The following FGF14 variants were observed in gnomAD, a reference collection of about 807,000 sequenced individuals.
FGF14 encodes fibroblast growth factor homologous factor 4.
A neutral mutation model predicts 25.5 loss-of-function variants in FGF14; 5 were observed. The ratio of observed to expected loss-of-function variants is 0.20; its 90% CI spans 0.10 to 0.41. FGF14 has a LOEUF of 0.41. Among genes scored for constraint, FGF14 ranks in the 10% least tolerant of loss-of-function variants. The pLI, the probability that FGF14 is intolerant of heterozygous loss-of-function variation, is 1.00. For missense variants in FGF14, 222 were observed against 320.1 expected, an observed-to-expected ratio of 0.69 and a Z score of 2.34; for synonymous variants, 138 against 118.3, an observed-to-expected ratio of 1.17 and a Z score of -1.08.
intron 3 of FGF14, among the ~76,000 whole-genome samples, chr13:101,774,404 A>G (rs2038970486): frequency 6.6e-6 from 1 of 152,174 alleles, no homozygotes; most frequent in South Asian, 2.1e-4. Flanking sequence ...CTTAAAGCCT[A>G]GAGCAGCCTT....
intron 1 of FGF14, among the ~76,000 whole-genome samples, chr13:102,141,765 AAG>A (rs2046652923): frequency 6.6e-6 from 1 of 152,198 alleles, no homozygotes; most frequent in Non-Finnish European, 1.5e-5. Context: ...GAAAGAAAAA[AAG>A]AGGCAGCTTT....
At chr13:102,145,479 C>T (rs192620480) in intron 1 of FGF14, among the ~76,000 whole-genome samples, 1 of 152,170 alleles carries the variant, frequency 6.6e-6, no homozygotes, top group East Asian at 1.9e-4. Context: ...CTAGAATTTC[C>T]CTTCCTCCAG....
At chr13:101,905,750 T>C (rs2032162006) in intron 1 of FGF14, among the ~76,000 whole-genome samples, 1 of 152,140 alleles carries the variant, frequency 6.6e-6, no homozygotes, top group Admixed American at 6.6e-5. Context: ...GTGGTTGACA[T>C]TCTAGCCTGT....
intron 3 of FGF14, among the ~76,000 whole-genome samples, chr13:101,744,001 C>T (rs1281609080): frequency 2.6e-5 from 4 of 152,048 alleles, no homozygotes; most frequent in African/African-American, 7.2e-5. Context: ...AGTTAAGGAT[C>T]CTAAGGAAAT....
At chr13:101,870,291 A>C (rs2044979926) in intron 2 of FGF14, among the ~76,000 whole-genome samples, 1 of 152,038 alleles carries the variant, frequency 6.6e-6, no homozygotes, top group South Asian at 2.1e-4. Context: ...ACTCTTGTTT[A>C]GAACACCTGA....
At chr13:101,955,933 C>T (rs2036486564) in intron 1 of FGF14, among the ~76,000 whole-genome samples, 1 of 152,144 alleles carries the variant, frequency 6.6e-6, no homozygotes, top group Admixed American at 6.6e-5. Flanking sequence ...CCTCGTGTTA[C>T]CTAGACAAAG....
intron 3 of FGF14, among the ~76,000 whole-genome samples, chr13:101,820,987 G>T (rs1449494859): frequency 2.7e-5 from 4 of 145,974 alleles, no homozygotes; most frequent in East Asian, 4.1e-4. Flanking sequence ...TCTCGCTGTC[G>T]CCCAGGCTGG....
At chr13:102,165,089 G>A (rs1424843059) in intron 1 of FGF14, among the ~76,000 whole-genome samples, 2 of 152,090 alleles carry the variant, frequency 1.3e-5, no homozygotes, top group South Asian at 2.1e-4. Flanking sequence ...GGCCATCAGA[G>A]AAATGCAAAT....
intron 1 of FGF14, among the ~76,000 whole-genome samples, chr13:102,008,588 T>G (rs907876754): frequency 6.6e-6 from 1 of 152,158 alleles, no homozygotes; most frequent in Non-Finnish European, 1.5e-5. Flanking sequence ...GGGTCACACA[T>G]TTGGATAATT....
At chr13:102,119,960 T>C (rs2045642574) in intron 1 of FGF14, among the ~76,000 whole-genome samples, 1 of 152,136 alleles carries the variant, frequency 6.6e-6, no homozygotes, top group Non-Finnish European at 1.5e-5. Flanking sequence ...CTACAGCCAG[T>C]GTTGAACATT....
chr13:101,758,534 C>A (rs2139887118), intron 3 of FGF14, among the ~76,000 whole-genome samples: 1 of 152,258 alleles, frequency 6.6e-6, no homozygotes, highest in East Asian at 1.9e-4. Context: ...CCTTGTAGAG[C>A]ATAACATGGT....
intron 1 of FGF14, among the ~76,000 whole-genome samples, chr13:102,216,761 T>C (rs928434051): frequency 6.6e-6 from 1 of 150,762 alleles, no homozygotes; most frequent in Admixed American, 6.6e-5. Flanking sequence ...ATTCCTCCTA[T>C]CTAACCATAG....
intron 1 of FGF14, among the ~76,000 whole-genome samples, chr13:102,041,959 C>A (rs1361699533): frequency 6.6e-6 from 1 of 152,174 alleles, no homozygotes; most frequent in African/African-American, 2.4e-5. Context: ...CATCTTAACA[C>A]TGTGACCAGC....
At position 102,376,748 on chromosome 13, in the gene FGF14, G is replaced by A. The variant is rs1036580548; in HGVS notation, c.208+24723C>T. 2.6e-5 allele frequency among the ~76,000 whole-genome samples: 4 copies of A among 152,190 alleles called. No individual in the cohort carries two copies. The East Asian group carries it at 5.8e-4, about 22-fold the overall frequency. ...CTGCTGGGATATTAAATATTCAATAGGAAATCAATTATTTAATTAGTTGAT... is the reference window on the plus strand; with the variant it reads ...CTGCTGGGATATTAAATATTCAATAAGAAATCAATTATTTAATTAGTTGAT... On this transcript the variant is annotated intron_variant, in intron 1 of 4. Transcript: ENST00000376131.
intron 1 of FGF14, among the ~76,000 whole-genome samples, chr13:102,236,771 C>A (rs987423047): frequency 2.0e-5 from 3 of 152,164 alleles, no homozygotes; most frequent in African/African-American, 7.2e-5. Flanking sequence ...AAGTGGGTGT[C>A]TAGTAAGTCC....
At chr13:102,241,308 C>T (rs199975431) in intron 1 of FGF14, among the ~76,000 whole-genome samples, 1 of 152,004 alleles carries the variant, frequency 6.6e-6, no homozygotes, top group East Asian at 1.9e-4. Context: ...AAAAAAGGAG[C>T]ATAATTTCAA....
At chr13:102,165,071 T>TCAC (rs2047938908) in intron 1 of FGF14, among the ~76,000 whole-genome samples, 1 of 152,094 alleles carries the variant, frequency 6.6e-6, no homozygotes, top group Non-Finnish European at 1.5e-5. Context: ...GAAAAAATGC[T>TCAC]CATCACTGGC....
At chr13:101,871,561 A>C (rs1464257846) in intron 2 of FGF14, among the ~76,000 whole-genome samples, 1 of 152,058 alleles carries the variant, frequency 6.6e-6, no homozygotes, top group Non-Finnish European at 1.5e-5. Flanking sequence ...AGGTTTTAAC[A>C]TTACCATAGT....
intron 2 of FGF14, among the ~76,000 whole-genome samples, chr13:101,871,886 C>A (rs1047857350): frequency 5.3e-5 from 8 of 151,884 alleles, no homozygotes; most frequent in African/African-American, 1.9e-4. Context: ...AACCATTTAC[C>A]CATCATCCAC....
Sources: allele counts gnomAD v4.1 joint callset (sites outside exome capture counted in the v4.1 genomes callset), GRCh38; gene constraint gnomAD v4.1.1; transcripts MANE v1.5; gene names NCBI Gene and HGNC (gene_info 2026-07-23, HGNC 2026-07-21).